Variants in FAM78B observed in about 807,000 individuals in gnomAD.
FAM78B encodes family with sequence similarity 78 member B.
A neutral mutation model predicts 20.0 loss-of-function variants in FAM78B; 10 were observed. The observed-to-expected ratio is 0.50, with a 90% CI of 0.31 to 0.85. The LOEUF (loss-of-function observed/expected upper bound fraction) is 0.85, where lower values mean the gene tolerates loss of function less well. FAM78B is among the 40% of genes least tolerant of loss of function. The probability of loss-of-function intolerance (pLI) is 0.05; values close to 1 mark genes in which losing one functional copy is unlikely to be tolerated. For missense variants in FAM78B, 283 were observed against 345.0 expected, an observed-to-expected ratio of 0.82 and a Z score of 1.42; for synonymous variants, 135 against 132.8, an observed-to-expected ratio of 1.02 and a Z score of -0.12.
At position 166,070,496 on chromosome 1, in the gene FAM78B, G is replaced by A; in HGVS notation, c.531C>T (p.Asn177=). 1.2e-6 allele frequency: 2 copies of A among 1,614,172 alleles called. No individual in the cohort carries two copies. The highest frequency in any genetic ancestry group is 1.7e-6 in the Non-Finnish European group (2 of 1,180,020). The part of the protein sequence containing the change: ...QSFTTWLVAM[N]TTTKEKIILQ... The stretch of plus-strand genomic sequence containing the variant: ...GAATGATCTTCTCCTTTGTGGTGGT[G>A]TTCATGGCCACCAGCCAGGTCGTGA... Residue 177 remains asparagine (N), a synonymous_variant, in exon 2 of 2, where the codon AAC becomes AAT. Coordinates refer to ENST00000354422, the MANE Select transcript of FAM78B (RefSeq NM_001017961.5).
exon 3 of FAM78B, chr1:166,057,772 G>C (rs1042315415): frequency 1.3e-5 from 2 of 152,196 alleles, no homozygotes; most frequent in Non-Finnish European, 2.9e-5. Context: ...AGGGTAAGGA[G>C]ACAGCAGAGA....
intron 1 of FAM78B, among the ~76,000 whole-genome samples, chr1:166,131,809 C>A (rs1654887393): frequency 6.6e-6 from 1 of 152,162 alleles, no homozygotes; most frequent in African/African-American, 2.4e-5. Flanking sequence ...AGGTCCTGAA[C>A]TGAAGACCCC....
In FAM78B at chr1:166,110,268, A is replaced by G. The variant is rs116758038; in HGVS notation, c.264-39505T>C. On this transcript the variant is annotated intron_variant, in intron 1 of 1. Coordinates refer to ENST00000354422, the MANE Select transcript of FAM78B (RefSeq NM_001017961.5). ...TGTACCCCAATAACTTAAGAAAAAAATATTAAAAAAAAGAAAGAGAATGGG... is the reference window on the plus strand; with the variant it reads ...TGTACCCCAATAACTTAAGAAAAAAGTATTAAAAAAAAGAAAGAGAATGGG... 5.9e-3 allele frequency among the ~76,000 whole-genome samples: 890 copies of G among 151,996 alleles called. 2 individuals carry two copies. The highest frequency in any genetic ancestry group is 8.7e-3 in the Non-Finnish European group (590 of 67,964).
intron 1 of FAM78B, among the ~76,000 whole-genome samples, chr1:166,091,415 G>A (rs2101737349): frequency 6.6e-6 from 1 of 152,276 alleles, no homozygotes; most frequent in African/African-American, 2.4e-5. Context: ...CACGAGATCT[G>A]ACGGTTTTAA....
downstream of FAM78B, among the ~76,000 whole-genome samples, chr1:166,068,974 G>C (rs1356061243): frequency 6.6e-6 from 1 of 152,096 alleles, no homozygotes; most frequent in African/African-American, 2.4e-5. Context: ...ATCTTTACTG[G>C]TTAAATCTTA....
At chr1:166,060,708 C>G (rs1421160415) in intron 2 of FAM78B, 1 of 1,168,644 alleles carries the variant, frequency 8.6e-7, no homozygotes, top group Non-Finnish European at 1.1e-6. Context: ...GGCATTAAGA[C>G]AGTGATCAAA....
intron 1 of FAM78B, chr1:166,154,605 C>T (rs78239575): frequency 0.034 from 14,537 of 421,900 alleles, 1,005 homozygotes; most frequent in Admixed American, 0.19. Flanking sequence ...CCATCTCTGC[C>T]TGAAGACCTG....
In FAM78B at chr1:166,093,279, C is replaced by T. The variant is rs1456788769; in HGVS notation, c.264-22516G>A. Among the ~76,000 whole-genome samples, 5 of 152,186 alleles carry T rather than the reference C, an allele frequency of 3.3e-5. No homozygotes were observed. In the South Asian group the frequency reaches 6.2e-4, roughly 19 times the overall value. ...CAGAAAGGTGGGAAGAAGACATGGCCAAGTCATGTCTACATTCCAGGTGTG... is the reference window on the plus strand; with the variant it reads ...CAGAAAGGTGGGAAGAAGACATGGCTAAGTCATGTCTACATTCCAGGTGTG... On this transcript the variant is annotated intron_variant, in intron 1 of 1. Transcript: ENST00000354422.
chr1:166,064,109 T>C (rs556149390), intron 2 of FAM78B, among the ~76,000 whole-genome samples: 114 of 152,180 alleles, frequency 7.5e-4, no homozygotes, highest in Middle Eastern at 3.4e-3. Flanking sequence ...GGCTGGTCCA[T>C]GTAGGGCCAT....
chr1:166,117,675 G>T (rs1457253915), intron 1 of FAM78B, among the ~76,000 whole-genome samples: 3 of 152,204 alleles, frequency 2.0e-5, no homozygotes, highest in Non-Finnish European at 4.4e-5. Context: ...ATAGGTACAT[G>T]GAAGGCACTG....
At chr1:166,122,306 A>G (rs1365678258) in intron 1 of FAM78B, among the ~76,000 whole-genome samples, 1 of 152,130 alleles carries the variant, frequency 6.6e-6, no homozygotes, top group African/African-American at 2.4e-5. Flanking sequence ...AACACCCCAG[A>G]TGAGTAGGGT....
At chr1:166,165,862 G>C (rs1248196489) in intron 1 of FAM78B, 124 bp downstream of exon 1, 1 of 1,127,444 alleles carries the variant, frequency 8.9e-7, no homozygotes, top group Admixed American at 2.1e-5. Flanking sequence ...GGGAGAGGAG[G>C]CGGGAGGAAG....
chr1:166,098,545 A>T (rs1438833277), intron 1 of FAM78B, among the ~76,000 whole-genome samples: 3 of 152,100 alleles, frequency 2.0e-5, no homozygotes, highest in Non-Finnish European at 2.9e-5. Flanking sequence ...CTTAAAGAAA[A>T]AACAATAAAA....
intron 1 of FAM78B, among the ~76,000 whole-genome samples, chr1:166,141,752 G>C (rs1655286242): frequency 6.6e-6 from 1 of 152,210 alleles, no homozygotes; most frequent in African/African-American, 2.4e-5. Flanking sequence ...CCAATGCACA[G>C]TCCATCACAG....
chr1:166,150,944 A>G (rs1215409446), intron 1 of FAM78B, among the ~76,000 whole-genome samples: 1 of 152,122 alleles, frequency 6.6e-6, no homozygotes, highest in Non-Finnish European at 1.5e-5. Flanking sequence ...AATAAAAAAA[A>G]TTAAAATATA....
rs1309748110 is a variant in FAM78B at position 166,109,850 on chromosome 1, A to ATGTATGTG, written c.264-39088_264-39087insCACATACA. 5.8e-4 allele frequency among the ~76,000 whole-genome samples: 11 copies of ATGTATGTG among 19,048 alleles called. 2 individuals are homozygous for ATGTATGTG. The highest frequency in any genetic ancestry group is 7.0e-4 in the Admixed American group (1 of 1,438). The allele number at this position is 19,048 out of a possible 152,430, so 12.5% of individuals were successfully genotyped here. A position where few individuals can be genotyped will look rare whatever the true frequency, so the allele number is the denominator to read the frequency against. On this transcript the variant is annotated intron_variant, in intron 1 of 1. Transcript: ENST00000354422. ...TATATATGTATATATGTATATATAT[A>ATGTATGTG]TATATATATATGTATGTGTATATAT...
chr1:166,076,406 T>C (rs1238347877), intron 1 of FAM78B, among the ~76,000 whole-genome samples: 1 of 152,158 alleles, frequency 6.6e-6, no homozygotes, highest in East Asian at 1.9e-4. Flanking sequence ...AAATATTCCT[T>C]TGGATATCTG....
At position 166,109,840 on chromosome 1, in the gene FAM78B, GTATA is replaced by G. The variant is rs1300124049; in HGVS notation, c.264-39081_264-39078del. On this transcript the variant is annotated intron_variant, in intron 1 of 1. Coordinates refer to ENST00000354422, the MANE Select transcript of FAM78B (RefSeq NM_001017961.5). ...TATATATATATATATATGTATATAT[GTATA>G]TATATATATATATATATGTATGTGT... 1.0e-3 allele frequency among the ~76,000 whole-genome samples: 26 copies of G among 25,924 alleles called. 5 individuals are homozygous for G. The highest frequency in any genetic ancestry group is 1.4e-3 in the Non-Finnish European group (17 of 11,930). The allele number at this position is 25,924 out of a possible 152,430, so 17.0% of individuals were successfully genotyped here.
chr1:166,073,991 C>A (rs1237626153), intron 1 of FAM78B, among the ~76,000 whole-genome samples: 1 of 152,194 alleles, frequency 6.6e-6, no homozygotes, highest in East Asian at 1.9e-4. Flanking sequence ...AAGCCCTCAG[C>A]ATCTCTTACC....
Sources: gnomAD v4.1 joint callset for allele counts (sites outside exome capture counted in the v4.1 genomes callset) on GRCh38, gnomAD v4.1.1 for gene constraint, MANE v1.5 for transcripts, NCBI Gene and HGNC (gene_info 2026-07-23, HGNC 2026-07-21) for gene names.